Variants in PLB1 observed in about 807,000 individuals in gnomAD.
PLB1 encodes the protein phospholipase B1, membrane-associated.
A neutral mutation model predicts 227.4 loss-of-function variants in PLB1; 242 were observed. That is an observed-to-expected ratio of 1.06 (90% CI 0.96 to 1.18). PLB1 has a LOEUF of 1.18. Ranked by LOEUF, PLB1 falls within the 50% of genes most tolerant of loss-of-function variation. The pLI is 0.00. For synonymous variants in PLB1, 757 were observed against 682.2 expected (o/e 1.11, Z -1.71); for missense variants, 1,858 against 1,816.3 (o/e 1.02, Z -0.42).
intron 29 of PLB1, among the ~76,000 whole-genome samples, chr2:28,590,481 A>T (rs1329321463): frequency 6.6e-6 from 1 of 152,170 alleles, no homozygotes; most frequent in African/African-American, 2.4e-5. Context: ...CGAGGAATCG[A>T]GACCTAGAAG....
In PLB1 at chr2:28,518,452, G is replaced by C; in HGVS notation, c.118-14G>C. The C allele has an allele frequency of 6.2e-7, 1 of 1,602,364 alleles. No homozygotes were observed. On this transcript the variant is annotated splice_polypyrimidine_tract_variant and intron_variant, in intron 2 of 57. Transcript: ENST00000327757. ...AAGGCAGTTGATGTTTCTGATGTTC[G>C]TTTTCAATTGCAGACCCTGAAGAAT...
At chr2:28,589,204 T>C (rs1314307696) in intron 26 of PLB1, among the ~76,000 whole-genome samples, 1 of 152,106 alleles carries the variant, frequency 6.6e-6, no homozygotes. Flanking sequence ...TTTTCTTACC[T>C]TTCCCTTTTC....
At chr2:28,597,951 G>A (rs113093779) in intron 33 of PLB1, 54 bp from the exon 34 acceptor site, 10 of 1,540,736 alleles carry the variant, frequency 6.5e-6, no homozygotes, top group African/African-American at 4.1e-5. Flanking sequence ...TTCCTAGATT[G>A]ATTCAACCAA....
intron 4 of PLB1, among the ~76,000 whole-genome samples, chr2:28,521,000 C>A (rs541139561): frequency 1.3e-5 from 2 of 152,194 alleles, no homozygotes; most frequent in East Asian, 3.9e-4. Flanking sequence ...AAAAAGAAAT[C>A]ATACACTTAA....
Position 28,543,124 on chromosome 2 carries a change from T to G in PLB1, c.880-88T>G, listed in dbSNP as rs374706648. 3.5e-6 allele frequency: 5 copies of G among 1,416,222 alleles called. No individual in the cohort carries two copies. In the African/African-American group the frequency reaches 5.7e-5, roughly 16 times the overall value. 87.7% of individuals were successfully genotyped at this position (1,416,222 alleles called of 1,614,324 possible). A position where few individuals can be genotyped will look rare whatever the true frequency, so the allele number is the denominator to read the frequency against. On this transcript the variant is annotated intron_variant, in intron 13 of 57. Transcript: ENST00000327757. ...TGGACAGATCAGGCTGCCCCAACTCTATGCCAGAGAGAGCTTCAAAGTGTG... is the reference window on the plus strand; with the variant it reads ...TGGACAGATCAGGCTGCCCCAACTCGATGCCAGAGAGAGCTTCAAAGTGTG...
intron 39 of PLB1, among the ~76,000 whole-genome samples, chr2:28,603,188 G>A (rs1684170536): frequency 6.6e-6 from 1 of 152,216 alleles, no homozygotes; most frequent in Non-Finnish European, 1.5e-5. Flanking sequence ...GCTGGTGTTT[G>A]AGAGACAGGA....
intron 1 of PLB1, among the ~76,000 whole-genome samples, chr2:28,511,788 C>T (rs374667418): frequency 1.1e-4 from 14 of 132,630 alleles, no homozygotes; most frequent in South Asian, 2.5e-4. Context: ...GCCATTTTAT[C>T]TTTTTTTTTT....
intron 1 of PLB1, among the ~76,000 whole-genome samples, chr2:28,505,869 C>T (rs570896066): frequency 6.6e-4 from 100 of 152,240 alleles, no homozygotes; most frequent in Middle Eastern, 6.8e-3. Flanking sequence ...TAGCCATCCC[C>T]GAATCTCTGG....
chr2:28,601,754 A>AT (rs1683939936), intron 37 of PLB1, 145 bp from the exon 38 acceptor site: 1 of 725,042 alleles, frequency 1.4e-6, no homozygotes, highest in Non-Finnish European at 2.4e-6. Flanking sequence ...TTCATCTCAG[A>AT]TTTTGACATG....
In PLB1 at chr2:28,529,744, G is replaced by C. The variant is rs147363629; in HGVS notation, c.433G>C (p.Ala145Pro). 2 of 1,614,090 alleles carry C rather than the reference G, an allele frequency of 1.2e-6. No homozygotes were observed. The highest frequency in any genetic ancestry group is 1.7e-5 in the Admixed American group (1 of 60,016). ...HDGAEDLWIQ[A>P]QELVRNMKEN... ...TCTGCACAGAGACTTGTGGATTCAG[G>C]CTCAAGAACTGGTGAGAAACATGAA... is the stretch of plus-strand genomic sequence containing the variant. Residue 145 changes from alanine to proline, a missense_variant, in exon 8 of 58, where the codon GCT becomes CCT. By Grantham distance (27) the Ala-to-Pro change is conservative. Coordinates refer to ENST00000327757, the MANE Select transcript of PLB1 (RefSeq NM_153021.5).
chr2:28,520,529 GT>G, intron 4 of PLB1, among the ~76,000 whole-genome samples: 1 of 152,204 alleles, frequency 6.6e-6, no homozygotes, highest in African/African-American at 2.4e-5. Flanking sequence ...ATATATTCAC[GT>G]TATTGTGCAA....
chr2:28,605,784 G>A (rs912988213), intron 41 of PLB1, 69 bp from the exon 42 acceptor site: 4 of 1,334,900 alleles, frequency 3.0e-6, no homozygotes, highest in South Asian at 1.2e-5. Flanking sequence ...CAGTCCCAGG[G>A]CCAAGTCCGC....
chr2:28,551,439 A>G (rs1674240549), intron 16 of PLB1, among the ~76,000 whole-genome samples: 1 of 152,212 alleles, frequency 6.6e-6, no homozygotes, highest in Non-Finnish European at 1.5e-5. Flanking sequence ...GGTCCTAGTG[A>G]CATTCTTCCC....
intron 25 of PLB1, 85 bp from the exon 26 acceptor site, chr2:28,585,674 ATT>A (rs1680786510): frequency 9.1e-7 from 1 of 1,096,684 alleles, no homozygotes; most frequent in Non-Finnish European, 1.4e-6. Flanking sequence ...AAAGAAATGT[ATT>A]GAGTCTCAAG....
rs997471476 is a variant in PLB1, at chr2:28,541,878, A to G, written c.879+67A>G. On this transcript the variant is annotated intron_variant, in intron 13 of 57. Transcript: ENST00000327757. Reference sequence around the variant, plus strand: ...CCGGGCATGGTGGCTCACTCCTGTAATCCCAGCACTTTGGGAGGCCGAGGT... The same window carrying G: ...CCGGGCATGGTGGCTCACTCCTGTAGTCCCAGCACTTTGGGAGGCCGAGGT... The G allele has an allele frequency of 1.4e-5, 18 of 1,325,842 alleles. No individual in the cohort carries two copies. The African/African-American group carries it at 2.0e-4, about 15-fold the overall frequency. The allele number at this position is 1,325,842 out of a possible 1,614,324, so 82.1% of individuals were successfully genotyped here.
At chr2:28,628,250 C>T (rs1006599333) in intron 51 of PLB1, among the ~76,000 whole-genome samples, 7 of 152,146 alleles carry the variant, frequency 4.6e-5, no homozygotes, top group African/African-American at 9.7e-5. Flanking sequence ...GGTCAGATGA[C>T]GGATGGGACT....
chr2:28,549,037 T>C lies in PLB1; in HGVS notation c.1008+106T>C, dbSNP rs138117139. 43 of 918,064 alleles carry C rather than the reference T, an allele frequency of 4.7e-5. No individual in the cohort carries two copies. In the African/African-American group the frequency reaches 4.9e-4, roughly 10 times the overall value. 56.9% of individuals were successfully genotyped at this position (918,064 alleles called of 1,614,324 possible). On this transcript the variant is annotated intron_variant, in intron 15 of 57. Transcript: ENST00000327757. ...TGGGTCTTACCTGAGATGTGAATCC[T>C]GTTTCTGTTCTTCTGGGCCTGCACA... is the stretch of plus-strand genomic sequence containing the variant.
At chr2:28,556,185 T>C (rs1675087823) in intron 17 of PLB1, among the ~76,000 whole-genome samples, 1 of 152,196 alleles carries the variant, frequency 6.6e-6, no homozygotes, top group Admixed American at 6.5e-5. Flanking sequence ...AAAAACCTTC[T>C]TTATAGTCTC....
rs529621571 is a variant in PLB1 at position 28,514,146 on chromosome 2, ATTTTC to A, written c.56-2657_56-2653del. Among the ~76,000 whole-genome samples, 290 of 152,258 alleles carry A rather than the reference ATTTTC, an allele frequency of 1.9e-3. 1 individual carries two copies. Among genetic ancestry groups the A allele is most frequent in the Admixed American group, 3.7e-3 (56 of 15,288 alleles). ...GGGGTCCAAAAGCTTTTGAGGAGTG[ATTTTC>A]TTTTAATTAAAAAATTGTTGTTCCA... On this transcript the variant is annotated intron_variant, in intron 1 of 57. Transcript: ENST00000327757.
Sources: allele counts gnomAD v4.1 joint callset (sites outside exome capture counted in the v4.1 genomes callset), GRCh38; gene constraint gnomAD v4.1.1; transcripts MANE v1.5; gene names NCBI Gene and HGNC (gene_info 2026-07-23, HGNC 2026-07-21).